Variants in MARCHF5 observed in about 807,000 individuals in gnomAD.
MARCHF5 encodes the protein membrane associated ring-CH-type finger 5.
In MARCHF5, 5 loss-of-function variants were observed where a neutral mutation model predicts 36.5. The ratio of observed to expected loss-of-function variants is 0.14; its 90% CI spans 0.07 to 0.29. The LOEUF (loss-of-function observed/expected upper bound fraction) is 0.29. MARCHF5 is among the 10% of genes least tolerant of loss of function. The probability of loss-of-function intolerance (pLI) is 1.00; values close to 1 mark genes in which losing one functional copy is unlikely to be tolerated. For missense variants in MARCHF5, 179 were observed against 336.3 expected, an observed-to-expected ratio of 0.53 and a Z score of 3.66; for synonymous variants, 103 against 109.9, an observed-to-expected ratio of 0.94 and a Z score of 0.39.
intron 3 of MARCHF5, among the ~76,000 whole-genome samples, chr10:92,347,216 G>T (rs1165724240): frequency 6.6e-6 from 1 of 152,054 alleles, no homozygotes; most frequent in Non-Finnish European, 1.5e-5. Flanking sequence ...GGGCGTGGTG[G>T]GTCACGCCTA....
At chr10:92,314,770 T>C (rs527724042) in intron 2 of MARCHF5, among the ~76,000 whole-genome samples, 31 of 123,428 alleles carry the variant, frequency 2.5e-4, no homozygotes, top group South Asian at 7.8e-4. Flanking sequence ...CAATAGAGGT[T>C]GGGTCTTGCT....
chr10:92,322,244 C>CAAAAAAAAAA, intron 2 of MARCHF5, among the ~76,000 whole-genome samples: 1 of 27,750 alleles, frequency 3.6e-5, no homozygotes. Flanking sequence ...AACTCCGTCT[C>CAAAAAAAAAA]AAAAAAAAAA....
intron 2 of MARCHF5, among the ~76,000 whole-genome samples, chr10:92,331,964 C>CGT (rs925793400): frequency 1.2e-4 from 17 of 145,176 alleles, no homozygotes; most frequent in Non-Finnish European, 2.4e-4. Context: ...TATATATAAT[C>CGT]GTATATATAT....
chr10:92,303,194 T>G (rs112009390), intron 1 of MARCHF5, among the ~76,000 whole-genome samples: 2 of 152,332 alleles, frequency 1.3e-5, no homozygotes, highest in African/African-American at 4.8e-5. Flanking sequence ...TTTGATCAGA[T>G]AGACTGTAAA....
At chr10:92,333,594 A>G in intron 2 of MARCHF5, 4 of 943,228 alleles carry the variant, frequency 4.2e-6, no homozygotes, top group Non-Finnish European at 5.1e-6. Context: ...GAACAAGAAC[A>G]TAAAGTACTA....
intron 2 of MARCHF5, among the ~76,000 whole-genome samples, chr10:92,329,461 G>T (rs1044084716): frequency 6.6e-6 from 1 of 151,954 alleles, no homozygotes; most frequent in South Asian, 2.1e-4. Context: ...ATTTTATGGG[G>T]GTTTTATATT....
chr10:92,353,190 A>G lies in MARCHF5; in HGVS notation c.*1983A>G, dbSNP rs544549930. 2.0e-4 allele frequency: 30 copies of G among 152,292 alleles called. No individual in the cohort carries two copies. In the East Asian group the frequency reaches 5.2e-3, roughly 26 times the overall value. 9.4% of individuals were successfully genotyped at this position (152,292 alleles called of 1,614,324 possible). ...GTGCCTGAGGACCAGAGTGGCCTCT[A>G]GCCCCGAATTGAACACTTTTAAACC... On this transcript the variant is annotated 3_prime_UTR_variant, in exon 6 of 6. Coordinates refer to ENST00000358935, the MANE Select transcript of MARCHF5 (RefSeq NM_017824.5).
chr10:92,316,292 A>G (rs1843208513), intron 2 of MARCHF5, among the ~76,000 whole-genome samples: 1 of 152,198 alleles, frequency 6.6e-6, no homozygotes, highest in Non-Finnish European at 1.5e-5. Context: ...TTCATTGTTA[A>G]TAGGGAGTTA....
intron 1 of MARCHF5, among the ~76,000 whole-genome samples, chr10:92,296,774 T>C (rs1842952879): frequency 6.6e-6 from 1 of 152,134 alleles, no homozygotes; most frequent in African/African-American, 2.4e-5. Flanking sequence ...TCCAGCCCCC[T>C]CCCACAATGG....
At chr10:92,295,311 T>A (rs1371994576) in intron 1 of MARCHF5, among the ~76,000 whole-genome samples, 1 of 66,062 alleles carries the variant, frequency 1.5e-5, no homozygotes, top group Non-Finnish European at 2.5e-5. Context: ...TAGAGGCAAC[T>A]TTTCTTTTTT....
chr10:92,340,447 C>T (rs927163915), intron 2 of MARCHF5, among the ~76,000 whole-genome samples: 5 of 152,164 alleles, frequency 3.3e-5, no homozygotes, highest in South Asian at 2.1e-4. Context: ...TAGCTCATGC[C>T]TGTAATCCCA....
intron 2 of MARCHF5, chr10:92,333,722 G>A (rs1048708498): frequency 3.4e-6 from 3 of 889,450 alleles, no homozygotes; most frequent in African/African-American, 3.6e-5. Flanking sequence ...AGTCTTTGCT[G>A]AGAAGTTGGA....
At chr10:92,295,169 C>T (rs1218543642) in intron 1 of MARCHF5, among the ~76,000 whole-genome samples, 5 of 151,972 alleles carry the variant, frequency 3.3e-5, no homozygotes, top group African/African-American at 1.2e-4. Flanking sequence ...TTGAACATAA[C>T]AAAAATGCCC....
At chr10:92,342,563 C>T (rs530030819) in intron 3 of MARCHF5, among the ~76,000 whole-genome samples, 37 of 152,192 alleles carry the variant, frequency 2.4e-4, no homozygotes, top group Non-Finnish European at 2.9e-4. Flanking sequence ...CACCTGACTT[C>T]TTGTCACTTC....
intron 1 of MARCHF5, among the ~76,000 whole-genome samples, chr10:92,300,757 C>T (rs1843002557): frequency 6.6e-6 from 1 of 152,104 alleles, no homozygotes; most frequent in Non-Finnish European, 1.5e-5. Flanking sequence ...TCTTTTCTTT[C>T]AAAGCTCTAC....
intron 1 of MARCHF5, among the ~76,000 whole-genome samples, chr10:92,305,231 C>A (rs1348207275): frequency 6.6e-6 from 1 of 151,974 alleles, no homozygotes; most frequent in East Asian, 1.9e-4. Context: ...ACAAGTGAAA[C>A]CCCGTCTCTT....
rs746842 is a variant in MARCHF5, at chr10:92,291,231, C to G, written c.-264C>G. 0.25 allele frequency: 135,975 copies of G among 533,270 alleles called. 19,891 individuals are homozygous for G. The highest frequency in any genetic ancestry group is 0.33 in the Middle Eastern group (676 of 2,054). The allele number at this position is 533,270 out of a possible 1,614,324, so 33.0% of individuals were successfully genotyped here. The stretch of plus-strand genomic sequence containing the variant: ...GCCCGCGGTCCATGGACCGGAACCT[C>G]GGGCCGACGGACGGGAACCCGGGCC... On this transcript the variant is annotated 5_prime_UTR_variant, in exon 1 of 6. Coordinates refer to ENST00000358935, the MANE Select transcript of MARCHF5 (RefSeq NM_017824.5).
At chr10:92,327,033 C>T (rs1843369597) in intron 2 of MARCHF5, among the ~76,000 whole-genome samples, 2 of 151,666 alleles carry the variant, frequency 1.3e-5, no homozygotes, top group South Asian at 4.2e-4. Context: ...CATTCTTCTC[C>T]TCTCCCTCTC....
chr10:92,347,761 A>G lies in MARCHF5; in HGVS notation c.370-1588A>G, dbSNP rs567372124. ...ACAGAAGAATATCAAATTCGATGAC[A>G]TTATTGACCATTAGGAAGAGGCTAG... On this transcript the variant is annotated intron_variant, in intron 3 of 5. Transcript: ENST00000358935. Among the ~76,000 whole-genome samples the G allele has an allele frequency of 3.3e-5, 5 of 152,306 alleles. No individual in the cohort carries two copies. The East Asian group carries it at 9.6e-4, about 29-fold the overall frequency.
Sources: allele counts gnomAD v4.1 joint callset (sites outside exome capture counted in the v4.1 genomes callset), GRCh38; gene constraint gnomAD v4.1.1; transcripts MANE v1.5; gene names NCBI Gene and HGNC (gene_info 2026-07-23, HGNC 2026-07-21).